Variants in TTI2 observed in about 807,000 individuals in gnomAD.
The protein encoded by TTI2 is TELO2-interacting protein 2.
Under a neutral mutation model 44.9 loss-of-function variants are expected in TTI2, and 26 were observed. The ratio of observed to expected loss-of-function variants is 0.58; its 90% CI spans 0.42 to 0.80. TTI2 has a LOEUF of 0.80. TTI2 is among the 30% of genes least tolerant of loss of function. The probability of loss-of-function intolerance (pLI) is 0.00; values close to 1 mark genes in which losing one functional copy is unlikely to be tolerated. For synonymous variants in TTI2, 254 were observed against 250.9 expected (o/e 1.01, Z -0.12); for missense variants, 582 against 611.6 (o/e 0.95, Z 0.51).
chr8:33,500,453 A>C lies in TTI2; in HGVS notation c.1297T>G (p.Leu433Val), dbSNP rs1229375923. The stretch of plus-strand genomic sequence containing the variant: ...CTTGCTACATCACAAATCAGTTTCA[A>C]GAGGGCCTTCAGTAAGACCACAAGT... The part of the protein sequence containing the change: ...CRLVVLLKAL[L>V]KLICDVARDP... Residue 433 changes from leucine to valine, a missense_variant, in exon 7 of 8, where the codon TTG (leucine) becomes GTG (valine). Coordinates refer to ENST00000431156, the MANE Select transcript of TTI2 (RefSeq NM_001102401.4). The C allele has an allele frequency of 3.1e-6, 5 of 1,614,168 alleles. No individual in the cohort carries two copies. Among genetic ancestry groups the C allele is most frequent in the Non-Finnish European group, 4.2e-6 (5 of 1,180,032 alleles).
At position 33,512,568 on chromosome 8, in the gene TTI2, TAG is replaced by T. The variant is rs1809592710; in HGVS notation, c.44_45del (p.Ser15Ter). ...SALEAPSQED[S>X]NLSEELSHSA... ...GAGTGAGACAACTCCTCGGACAAATTAGAGTCTTCCTGCGATGGGGCTTCCAG... is the reference window on the plus strand; with the variant it reads ...GAGTGAGACAACTCCTCGGACAAATTAGTCTTCCTGCGATGGGGCTTCCAG... On this transcript the variant is annotated frameshift_variant, in exon 2 of 8. Transcript: ENST00000431156. LOFTEE classifies it high-confidence loss of function. The T allele has an allele frequency of 2.5e-6, 4 of 1,613,984 alleles. No individual in the cohort carries two copies. The highest frequency in any genetic ancestry group is 1.6e-4 in the Middle Eastern group (1 of 6,062).
Position 33,503,417 on chromosome 8 carries a change from G to A in TTI2, c.1259+12C>T, listed in dbSNP as rs1809172210. On this transcript the variant is annotated intron_variant, in intron 6 of 7. Coordinates refer to ENST00000431156, the MANE Select transcript of TTI2 (RefSeq NM_001102401.4). Reference sequence around the variant, plus strand: ...AAATCGGCTGAGTTTTGCACCTTAAGGCTGCTATTACCTGGGCCAAGTATG... The same window carrying A: ...AAATCGGCTGAGTTTTGCACCTTAAAGCTGCTATTACCTGGGCCAAGTATG... 6.2e-7 allele frequency: 1 copy of A among 1,613,964 alleles called. No homozygotes were observed. The highest frequency in any genetic ancestry group is 1.1e-5 in the South Asian group (1 of 91,080).
In TTI2 at chr8:33,507,263, T is replaced by G; in HGVS notation, c.893A>C (p.Asn298Thr). The change falls in exon 4 of 8, where the codon AAC (asparagine) becomes ACC (threonine). Residue 298 changes from asparagine to threonine, a missense_variant. Asn to Thr is a moderately conservative substitution (Grantham distance 65, BLOSUM62 0). Coordinates refer to ENST00000431156, the MANE Select transcript of TTI2 (RefSeq NM_001102401.4). ...GTGGTGCTCTGGTGTGTACAGGTGG[T>G]TGGAAATGGCATGGTATAGGACCTG... Reference protein sequence around the residue: ...RAQVLYHAISNHLYTPEHHLI... With the variant: ...RAQVLYHAISTHLYTPEHHLI... 2 of 1,614,128 alleles carry G rather than the reference T, an allele frequency of 1.2e-6. No homozygotes were observed. Among genetic ancestry groups the G allele is most frequent in the African/African-American group, 2.7e-5 (2 of 75,022 alleles).
Position 33,509,763 on chromosome 8 carries a change from G to A in TTI2, c.817C>T (p.His273Tyr). Reference sequence around the variant, plus strand: ...TTGCTTACCACATTAAGCACAATGTGATGGAGACAGTGTACACCCAGGATT... The same window carrying A: ...TTGCTTACCACATTAAGCACAATGTAATGGAGACAGTGTACACCCAGGATT... Reference protein sequence around the residue: ...NKILGVHCLHHIVLNVPAADL... With the variant: ...NKILGVHCLHYIVLNVPAADL... Residue 273 changes from histidine (H) to tyrosine (Y), a missense_variant, in exon 3 of 8, where the codon CAC becomes TAC. Coordinates refer to ENST00000431156, the MANE Select transcript of TTI2 (RefSeq NM_001102401.4). The A allele has an allele frequency of 6.2e-7, 1 of 1,614,100 alleles. No homozygotes were observed. The highest frequency in any genetic ancestry group is 8.5e-7 in the Non-Finnish European group (1 of 1,180,020).
intron 2 of TTI2, among the ~76,000 whole-genome samples, 160 bp from the exon 3 acceptor site, chr8:33,510,092 G>T (rs903303651): frequency 3.4e-5 from 5 of 148,916 alleles, no homozygotes; most frequent in Admixed American, 6.8e-5. Context: ...TACATTCTAA[G>T]ATCTGGATTA....
chr8:33,500,709 C>A, intron 6 of TTI2: 1 of 509,896 alleles, frequency 2.0e-6, no homozygotes, highest in Non-Finnish European at 3.5e-6. Context: ...CAGACACACC[C>A]TCTGCCACAC....
intron 6 of TTI2, among the ~76,000 whole-genome samples, chr8:33,503,146 A>G (rs1809160507): frequency 6.9e-6 from 1 of 145,598 alleles, no homozygotes; most frequent in Admixed American, 6.9e-5. Context: ...AAAAAAAAAA[A>G]AACAAAAAAG....
intron 7 of TTI2, 144 bp downstream of exon 7, chr8:33,500,184 G>T: frequency 2.4e-6 from 2 of 833,606 alleles, no homozygotes; most frequent in Non-Finnish European, 3.8e-6. Flanking sequence ...CTCTTTTGAG[G>T]CTAGAGGGCT....
intron 2 of TTI2, 130 bp downstream of exon 2, chr8:33,511,837 T>A: frequency 9.4e-7 from 1 of 1,060,398 alleles, no homozygotes; most frequent in Non-Finnish European, 1.4e-6. Flanking sequence ...TGCAGTGAGC[T>A]GAGATCGCAA....
At chr8:33,502,004 T>A (rs992521030) in intron 6 of TTI2, among the ~76,000 whole-genome samples, 8 of 152,048 alleles carry the variant, frequency 5.3e-5, no homozygotes, top group Non-Finnish European at 1.2e-4. Flanking sequence ...AGTGCAGTGG[T>A]TCCATTGCAC....
At chr8:33,510,509 T>C (rs111822489) in intron 2 of TTI2, among the ~76,000 whole-genome samples, 3 of 152,100 alleles carry the variant, frequency 2.0e-5, no homozygotes, top group Non-Finnish European at 4.4e-5. Context: ...CCCGAGTAGA[T>C]GGGATTACAC....
chr8:33,499,875 G>T (rs114554767), intron 7 of TTI2: 2,331 of 157,188 alleles, frequency 0.015, 73 homozygotes, highest in African/African-American at 0.053. Context: ...GAATTTCCAT[G>T]TAGATAAATT....
intron 3 of TTI2, among the ~76,000 whole-genome samples, chr8:33,509,056 T>C (rs924929614): frequency 1.4e-4 from 20 of 141,500 alleles, no homozygotes; most frequent in African/African-American, 5.0e-4. Context: ...GGCAAGAGAA[T>C]CACTTGAACC....
At position 33,498,768 on chromosome 8, in the gene TTI2, G is replaced by A. The variant is rs1808944383; in HGVS notation, c.*405C>T. On this transcript the variant is annotated 3_prime_UTR_variant, in exon 8 of 8. Transcript: ENST00000431156. ...CAATATTTGTGTTTTTATTATTTAT[G>A]CCACGTCAGTGGGGCAAGAAATCTG... 5.2e-6 allele frequency: 4 copies of A among 765,520 alleles called. No homozygotes were observed. The highest frequency in any genetic ancestry group is 8.3e-6 in the Non-Finnish European group (4 of 483,150). 47.4% of individuals were successfully genotyped at this position (765,520 alleles called of 1,614,324 possible). A position where few individuals can be genotyped will look rare whatever the true frequency, so the allele number is the denominator to read the frequency against.
chr8:33,502,147 T>C (rs1475611553), intron 6 of TTI2, among the ~76,000 whole-genome samples: 2 of 152,054 alleles, frequency 1.3e-5, no homozygotes, highest in African/African-American at 4.8e-5. Flanking sequence ...TTTCACCATA[T>C]TGGCCAGGCT....
intron 7 of TTI2, 170 bp from the exon 8 acceptor site, chr8:33,499,447 A>C (rs1480280653): frequency 1.7e-6 from 1 of 584,346 alleles, no homozygotes; most frequent in Non-Finnish European, 3.0e-6. Flanking sequence ...TTATTTTTAA[A>C]TTTATATAGC....
At chr8:33,499,323 T>A in intron 7 of TTI2, 46 bp from the exon 8 acceptor site, 1 of 1,334,846 alleles carries the variant, frequency 7.5e-7, no homozygotes, top group Non-Finnish European at 1.1e-6. Flanking sequence ...TTTTTTTTAA[T>A]TACTTTCCCC....
In TTI2 at chr8:33,512,003, G is replaced by A. The variant is rs376364988; in HGVS notation, c.611C>T (p.Ser204Leu). ...GENEDEKGRL[S>L]VILGLLKPDL... is the part of the protein sequence containing the mutation. Reference sequence around the variant, plus strand: ...GGGTTTGAGAAGCCCTAGTATCACCGAAAGTCTCCCTTTCTCATCTTCATT... The same window carrying A: ...GGGTTTGAGAAGCCCTAGTATCACCAAAAGTCTCCCTTTCTCATCTTCATT... The change falls in exon 2 of 8, where the codon TCG becomes TTG. Residue 204 changes from serine (S) to leucine (L), a missense_variant. Transcript: ENST00000431156. 3 of 1,614,170 alleles carry A rather than the reference G, an allele frequency of 1.9e-6. No individual in the cohort carries two copies. Among genetic ancestry groups the A allele is most frequent in the Admixed American group, 1.7e-5 (1 of 60,012 alleles).
At chr8:33,507,692 T>C (rs2676425) in intron 3 of TTI2, among the ~76,000 whole-genome samples, 3,379 of 151,988 alleles carry the variant, frequency 0.022, 62 homozygotes, top group East Asian at 0.078. Flanking sequence ...TATCTCCTAG[T>C]GACTACCCTA....
Sources: allele counts gnomAD v4.1 joint callset (sites outside exome capture counted in the v4.1 genomes callset), GRCh38; gene constraint gnomAD v4.1.1; transcripts MANE v1.5; gene names NCBI Gene and HGNC (gene_info 2026-07-23, HGNC 2026-07-21).